PDZRN4: variants seen among roughly 807,000 people sequenced by gnomAD.
PDZRN4 encodes the protein PDZ domain containing ring finger 4.
Under a neutral mutation model 99.0 loss-of-function variants are expected in PDZRN4, and 70 were observed. That is an observed-to-expected ratio of 0.71 (90% CI 0.58 to 0.86). PDZRN4 has a LOEUF of 0.86. Ranked by LOEUF, PDZRN4 falls within the 40% of genes least tolerant of loss-of-function variation. The probability of loss-of-function intolerance (pLI) is 0.00; values close to 1 mark genes in which losing one functional copy is unlikely to be tolerated. For missense variants in PDZRN4, 1,474 were observed against 1,331.2 expected (o/e 1.11, Z -1.67); for synonymous variants, 551 against 501.6 (o/e 1.10, Z -1.32).
chr12:41,211,103 T>C (rs113271209), intron 3 of PDZRN4, among the ~76,000 whole-genome samples: 3,635 of 152,002 alleles, frequency 0.024, 104 homozygotes, highest in African/African-American at 0.071. Flanking sequence ...CTCAGGAAAA[T>C]CCGAAGTTGA....
intron 3 of PDZRN4, among the ~76,000 whole-genome samples, chr12:41,271,564 C>T (rs879681014): frequency 6.6e-6 from 1 of 152,116 alleles, no homozygotes; most frequent in Non-Finnish European, 1.5e-5. Flanking sequence ...GCCCTAACTT[C>T]CTTTCCCTTG....
At chr12:41,298,442 T>C (rs963635691) in intron 3 of PDZRN4, among the ~76,000 whole-genome samples, 2 of 152,178 alleles carry the variant, frequency 1.3e-5, no homozygotes, top group Non-Finnish European at 2.9e-5. Context: ...CAAATTTGCT[T>C]TTTGTTTTTA....
At chr12:41,263,776 TATATTAA>T (rs1566405617) in intron 3 of PDZRN4, among the ~76,000 whole-genome samples, 1 of 152,160 alleles carries the variant, frequency 6.6e-6, no homozygotes, top group Non-Finnish European at 1.5e-5. Context: ...TTTTTGTGCT[TATATTAA>T]ATTTAAAAGC....
intron 3 of PDZRN4, among the ~76,000 whole-genome samples, chr12:41,399,646 G>A (rs984886167): frequency 6.6e-6 from 1 of 151,572 alleles, no homozygotes; most frequent in Non-Finnish European, 1.5e-5. Context: ...TGAGGCAGGA[G>A]AATTGGTTGA....
At chr12:41,552,628 A>C (rs201926496) in intron 5 of PDZRN4, 28 bp from the exon 6 acceptor site, 2 of 1,550,216 alleles carry the variant, frequency 1.3e-6, no homozygotes, top group African/African-American at 1.4e-5. Flanking sequence ...TCTGACATAA[A>C]TGTCATCTGT....
intron 3 of PDZRN4, among the ~76,000 whole-genome samples, chr12:41,483,849 A>G (rs569359742): frequency 6.6e-6 from 1 of 152,182 alleles, no homozygotes; most frequent in Non-Finnish European, 1.5e-5. Context: ...CTTTGGCTCA[A>G]TGCATAGTCC....
intron 5 of PDZRN4, among the ~76,000 whole-genome samples, chr12:41,513,616 T>C (rs1282464334): frequency 6.6e-6 from 1 of 152,070 alleles, no homozygotes; most frequent in African/African-American, 2.4e-5. Flanking sequence ...TCTCCTCCTT[T>C]TAGTTTCAAC....
chr12:41,539,478 A>G (rs1365086358), intron 5 of PDZRN4, among the ~76,000 whole-genome samples: 1 of 152,108 alleles, frequency 6.6e-6, no homozygotes. Context: ...AACAATTATT[A>G]TTACATTCAT....
chr12:41,359,746 T>A (rs1951952031), intron 3 of PDZRN4, among the ~76,000 whole-genome samples: 1 of 152,138 alleles, frequency 6.6e-6, no homozygotes, highest in East Asian at 1.9e-4. Flanking sequence ...GTGAATCAAT[T>A]AAACCTCTTT....
chr12:41,511,441 T>C (rs1938302927), intron 5 of PDZRN4, among the ~76,000 whole-genome samples: 1 of 152,048 alleles, frequency 6.6e-6, no homozygotes, highest in Admixed American at 6.6e-5. Flanking sequence ...CTCTGTAGCC[T>C]GTAATCTCAA....
chr12:41,294,620 A>G (rs1951478694), intron 3 of PDZRN4, among the ~76,000 whole-genome samples: 1 of 152,156 alleles, frequency 6.6e-6, no homozygotes, highest in African/African-American at 2.4e-5. Context: ...TTAAAATAGA[A>G]TAGATTACAA....
intron 3 of PDZRN4, among the ~76,000 whole-genome samples, chr12:41,477,644 C>T (rs1049256622): frequency 6.6e-6 from 1 of 152,044 alleles, no homozygotes; most frequent in African/African-American, 2.4e-5. Flanking sequence ...AAAACATAAG[C>T]CTTTTTTAGT....
intron 3 of PDZRN4, among the ~76,000 whole-genome samples, chr12:41,346,392 G>A (rs970185594): frequency 6.6e-5 from 10 of 152,158 alleles, no homozygotes; most frequent in Non-Finnish European, 1.0e-4. Flanking sequence ...AACCTGGGAG[G>A]CGGAGCTTGC....
At chr12:41,229,520 C>T (rs1951015572) in intron 3 of PDZRN4, among the ~76,000 whole-genome samples, 1 of 152,030 alleles carries the variant, frequency 6.6e-6, no homozygotes, top group African/African-American at 2.4e-5. Context: ...GACCCAGACC[C>T]CACTCCCTCA....
At chr12:41,514,822 C>T (rs17129427) in intron 5 of PDZRN4, among the ~76,000 whole-genome samples, 21,413 of 151,976 alleles carry the variant, frequency 0.14, 1,607 homozygotes, top group South Asian at 0.23. Flanking sequence ...GAGTTTTAAT[C>T]CTAATGCCAT....
At chr12:41,542,552 C>G (rs1279921757) in intron 5 of PDZRN4, among the ~76,000 whole-genome samples, 1 of 152,132 alleles carries the variant, frequency 6.6e-6, no homozygotes, top group African/African-American at 2.4e-5. Flanking sequence ...AGTGATTCTG[C>G]CACCCCCAAC....
intron 3 of PDZRN4, among the ~76,000 whole-genome samples, chr12:41,466,387 G>C (rs1351512961): frequency 6.6e-6 from 1 of 152,154 alleles, no homozygotes; most frequent in Admixed American, 6.5e-5. Context: ...AGAAATTACA[G>C]GAGGATTAAT....
At chr12:41,415,674 G>A (rs1005945988) in intron 3 of PDZRN4, among the ~76,000 whole-genome samples, 1 of 152,072 alleles carries the variant, frequency 6.6e-6, no homozygotes, top group Non-Finnish European at 1.5e-5. Context: ...TTACCTTATG[G>A]TAGATAAAAC....
intron 3 of PDZRN4, among the ~76,000 whole-genome samples, chr12:41,421,858 A>G (rs905761585): frequency 1.3e-5 from 2 of 152,216 alleles, no homozygotes; most frequent in Non-Finnish European, 2.9e-5. Flanking sequence ...ATACATGTAC[A>G]TGTATCATAT....
Sources: allele counts gnomAD v4.1 joint callset (sites outside exome capture counted in the v4.1 genomes callset), GRCh38; gene constraint gnomAD v4.1.1; transcripts MANE v1.5; gene names NCBI Gene and HGNC (gene_info 2026-07-23, HGNC 2026-07-21).